Variants in LRBA observed in about 807,000 individuals in gnomAD.
LRBA encodes lipopolysaccharide-responsive and beige-like anchor protein.
LRBA carries 176 observed loss-of-function variants against 330.0 expected under a neutral mutation model. The observed-to-expected ratio is 0.53, with a 90% CI of 0.47 to 0.60. LRBA has a LOEUF of 0.60. LRBA is among the 20% of genes least tolerant of loss of function. The probability of loss-of-function intolerance (pLI) is 0.00; values close to 1 mark genes in which losing one functional copy is unlikely to be tolerated. For missense variants in LRBA, 3,259 were observed against 3,444.8 expected, an observed-to-expected ratio of 0.95 and a Z score of 1.35; for synonymous variants, 1,230 against 1,193.0, an observed-to-expected ratio of 1.03 and a Z score of -0.64.
intron 16 of LRBA, 86 bp from the exon 17 acceptor site, chr4:150,893,235 A>G: frequency 1.4e-6 from 1 of 695,302 alleles, no homozygotes; most frequent in Non-Finnish European, 2.5e-6. Flanking sequence ...AGAAATTTCA[A>G]CATTAGAAAT....
At chr4:150,763,182 G>C (rs931052393) in intron 34 of LRBA, among the ~76,000 whole-genome samples, 1 of 151,938 alleles carries the variant, frequency 6.6e-6, no homozygotes, top group African/African-American at 2.4e-5. Context: ...GCTAGAACTA[G>C]CAGAGAAGAA....
intron 37 of LRBA, among the ~76,000 whole-genome samples, chr4:150,631,243 A>G (rs1326636596): frequency 2.0e-5 from 3 of 151,966 alleles, no homozygotes; most frequent in Non-Finnish European, 4.4e-5. Flanking sequence ...GTAATTTAAC[A>G]AGATATATGG....
intron 26 of LRBA, 136 bp downstream of exon 26, chr4:150,848,682 A>T: frequency 1.5e-6 from 1 of 671,380 alleles, no homozygotes; most frequent in Non-Finnish European, 2.5e-6. Flanking sequence ...TACTATGTAC[A>T]TTAAAAAAAG....
chr4:150,585,834 AT>A (rs1772045966), intron 40 of LRBA, among the ~76,000 whole-genome samples: 1 of 152,184 alleles, frequency 6.6e-6, no homozygotes, highest in African/African-American at 2.4e-5. Context: ...GAAGGGCTGT[AT>A]GGAGGGATGA....
intron 34 of LRBA, among the ~76,000 whole-genome samples, chr4:150,776,419 G>A (rs1014454286): frequency 3.3e-5 from 5 of 152,184 alleles, no homozygotes; most frequent in Admixed American, 6.5e-5. Flanking sequence ...AATCAATCAC[G>A]GGGAAGAGGG....
chr4:150,697,808 G>A (rs1456777678), intron 36 of LRBA, among the ~76,000 whole-genome samples: 2 of 151,824 alleles, frequency 1.3e-5, no homozygotes, highest in African/African-American at 4.8e-5. Flanking sequence ...TACCTGTAGG[G>A]AAGGGCCAGT....
At chr4:151,007,872 AAG>A (rs1744297730) in intron 2 of LRBA, among the ~76,000 whole-genome samples, 2 of 151,582 alleles carry the variant, frequency 1.3e-5, no homozygotes, top group African/African-American at 4.8e-5. Context: ...AAAAAAAAAA[AAG>A]AATGTAGACC....
At chr4:150,830,133 T>C (rs1021034891) in intron 29 of LRBA, among the ~76,000 whole-genome samples, 1 of 152,200 alleles carries the variant, frequency 6.6e-6, no homozygotes, top group African/African-American at 2.4e-5. Flanking sequence ...GAGGGTTGTT[T>C]TAATAATCCT....
intron 40 of LRBA, among the ~76,000 whole-genome samples, chr4:150,546,289 A>G (rs1459470355): frequency 2.6e-5 from 4 of 152,220 alleles, no homozygotes; most frequent in Non-Finnish European, 4.4e-5. Flanking sequence ...TTAGTATCAT[A>G]TTTAAAACCA....
rs560195228 is a variant in LRBA, at chr4:150,349,265, T to G, written c.7362+727A>C. Among the ~76,000 whole-genome samples the G allele has an allele frequency of 5.3e-5, 8 of 152,306 alleles. No individual in the cohort carries two copies. The East Asian group carries it at 1.3e-3, about 26-fold the overall frequency. On this transcript the variant is annotated intron_variant, in intron 48 of 56. Coordinates refer to ENST00000651943, the MANE Select transcript of LRBA (RefSeq NM_001364905.1). ...AAATAATGTTCCCTTCAAAGTGATA[T>G]ATAACTTGCCCCATGAATCAAAGCT...
At chr4:150,560,441 T>C (rs1768169052) in intron 40 of LRBA, among the ~76,000 whole-genome samples, 1 of 152,146 alleles carries the variant, frequency 6.6e-6, no homozygotes, top group Admixed American at 6.5e-5. Flanking sequence ...TATCCTGTGA[T>C]GTCCTCTGTG....
At chr4:150,289,522 C>T (rs1748585999) in intron 53 of LRBA, among the ~76,000 whole-genome samples, 1 of 152,122 alleles carries the variant, frequency 6.6e-6, no homozygotes, top group Admixed American at 6.5e-5. Context: ...TCTCAGGTAA[C>T]CAGTTTTACA....
At chr4:150,618,887 C>T (rs973223341) in intron 37 of LRBA, among the ~76,000 whole-genome samples, 12 of 149,602 alleles carry the variant, frequency 8.0e-5, no homozygotes, top group Non-Finnish European at 1.8e-4. Context: ...CATACACACA[C>T]ATATATATAT....
At chr4:150,801,108 C>A (rs1477269413) in intron 33 of LRBA, among the ~76,000 whole-genome samples, 8 of 151,940 alleles carry the variant, frequency 5.3e-5, no homozygotes, top group Non-Finnish European at 1.2e-4. Context: ...ATTTAAGTCA[C>A]CTTAAATAAT....
At chr4:150,445,094 GATCT>G (rs1752415623) in intron 44 of LRBA, among the ~76,000 whole-genome samples, 1 of 151,892 alleles carries the variant, frequency 6.6e-6, no homozygotes, top group Non-Finnish European at 1.5e-5. Context: ...GATATAACAA[GATCT>G]ATCAATTTGC....
At chr4:150,387,667 A>G (rs957908280) in intron 47 of LRBA, among the ~76,000 whole-genome samples, 1 of 152,186 alleles carries the variant, frequency 6.6e-6, no homozygotes, top group African/African-American at 2.4e-5. Context: ...AAATTCTATA[A>G]GAATTCAAGG....
At chr4:150,749,727 A>G (rs1047524584) in intron 35 of LRBA, among the ~76,000 whole-genome samples, 4 of 152,164 alleles carry the variant, frequency 2.6e-5, no homozygotes, top group Admixed American at 2.6e-4. Context: ...TCCAGCCTGT[A>G]TAACAGAGAG....
At chr4:150,538,814 CAAAAAA>C (rs35022729) in intron 40 of LRBA, among the ~76,000 whole-genome samples, 1 of 101,288 alleles carries the variant, frequency 9.9e-6, no homozygotes, top group Admixed American at 1.1e-4. Context: ...GGCCCTGTCT[CAAAAAA>C]AAAAAAAAAA....
intron 34 of LRBA, among the ~76,000 whole-genome samples, chr4:150,763,549 A>T (rs1206477059): frequency 6.6e-6 from 1 of 152,040 alleles, no homozygotes; most frequent in Non-Finnish European, 1.5e-5. Flanking sequence ...AAATAAAATG[A>T]AGACAAGTAG....
Sources: allele counts gnomAD v4.1 joint callset (sites outside exome capture counted in the v4.1 genomes callset), GRCh38; gene constraint gnomAD v4.1.1; transcripts MANE v1.5; gene names NCBI Gene and HGNC (gene_info 2026-07-23, HGNC 2026-07-21).